PALLD: variants seen among roughly 807,000 people sequenced by gnomAD.
PALLD encodes the protein palladin, cytoskeletal associated protein.
Under a neutral mutation model 123.5 loss-of-function variants are expected in PALLD, and 61 were observed. That is an observed-to-expected ratio of 0.49 (90% CI 0.40 to 0.61). The LOEUF is 0.61. Ranked by LOEUF, PALLD falls within the 20% of genes least tolerant of loss-of-function variation. The probability of loss-of-function intolerance (pLI) is 0.00; values close to 1 mark genes in which losing one functional copy is unlikely to be tolerated. For missense variants in PALLD, 1,273 were observed against 1,377.0 expected, an observed-to-expected ratio of 0.92 and a Z score of 1.20; for synonymous variants, 465 against 496.4, an observed-to-expected ratio of 0.94 and a Z score of 0.84.
chr4:168,847,865 C>T (rs955067011), intron 10 of PALLD, among the ~76,000 whole-genome samples: 15 of 151,768 alleles, frequency 9.9e-5, no homozygotes, highest in African/African-American at 3.4e-4. Flanking sequence ...ATGAATATTC[C>T]TTTTCTAAAA....
chr4:168,575,914 G>C (rs780709697), intron 2 of PALLD, among the ~76,000 whole-genome samples: 5 of 151,950 alleles, frequency 3.3e-5, no homozygotes, highest in Admixed American at 3.3e-4. Context: ...ACAAAATTCC[G>C]TTTCAATTAA....
intron 10 of PALLD, among the ~76,000 whole-genome samples, chr4:168,833,294 A>C (rs943375097): frequency 1.5e-5 from 2 of 134,948 alleles, no homozygotes; most frequent in Admixed American, 1.4e-4. Context: ...GCATCTTCCC[A>C]CCCTGCGGAG....
chr4:168,857,350 T>C (rs1252351863), intron 10 of PALLD, among the ~76,000 whole-genome samples: 4 of 152,330 alleles, frequency 2.6e-5, no homozygotes, highest in South Asian at 2.1e-4. Context: ...TGGTACTAGC[T>C]TCATGAACCC....
chr4:168,698,968 G>C (rs1223080671), intron 8 of PALLD, among the ~76,000 whole-genome samples: 1 of 152,142 alleles, frequency 6.6e-6, no homozygotes, highest in Non-Finnish European at 1.5e-5. Context: ...TCATAGACTT[G>C]AGGATAGATA....
chr4:168,611,798 G>T (rs1561303743), intron 2 of PALLD, among the ~76,000 whole-genome samples: 1 of 152,178 alleles, frequency 6.6e-6, no homozygotes, highest in Non-Finnish European at 1.5e-5. Flanking sequence ...AAGCCTGCTT[G>T]ATTCTCTGTC....
intron 10 of PALLD, among the ~76,000 whole-genome samples, chr4:168,803,122 C>T (rs770191823): frequency 4.6e-5 from 7 of 152,138 alleles, no homozygotes; most frequent in Non-Finnish European, 8.8e-5. Context: ...TAAAGAACTA[C>T]CTGAGACTGG....
intron 10 of PALLD, among the ~76,000 whole-genome samples, chr4:168,872,937 T>C (rs146216539): frequency 2.6e-5 from 4 of 152,288 alleles, no homozygotes; most frequent in African/African-American, 9.6e-5. Flanking sequence ...GGAGTTTTAT[T>C]TTCTATTTTA....
rs550496087 is a variant in PALLD at position 168,533,834 on chromosome 4, G to C, written c.908+21422G>C. On this transcript the variant is annotated intron_variant, in intron 2 of 21. Transcript: ENST00000505667. ...GTTCATACGGAAAGGAGGATCTAGA[G>C]AGATCAATGTCACAGCTAAAGGAGG... Among the ~76,000 whole-genome samples the C allele has an allele frequency of 9.2e-5, 14 of 152,330 alleles. 1 individual carries two copies. The highest frequency in any genetic ancestry group is 3.1e-4 in the African/African-American group (13 of 41,566).
intron 2 of PALLD, among the ~76,000 whole-genome samples, chr4:168,534,658 C>T (rs569585524): frequency 8.5e-5 from 13 of 152,264 alleles, no homozygotes; most frequent in South Asian, 2.1e-4. Context: ...TGAACTTCTC[C>T]AGTACATATT....
intron 10 of PALLD, among the ~76,000 whole-genome samples, chr4:168,830,699 AAT>A (rs1744084303): frequency 6.6e-6 from 1 of 152,232 alleles, no homozygotes; most frequent in Non-Finnish European, 1.5e-5. Flanking sequence ...TTTAAAGAAC[AAT>A]ATTTGGTTTT....
At chr4:168,574,629 C>G (rs1360363651) in intron 2 of PALLD, among the ~76,000 whole-genome samples, 1 of 152,014 alleles carries the variant, frequency 6.6e-6, no homozygotes, top group African/African-American at 2.4e-5. Flanking sequence ...GGTAGATGCT[C>G]AATAACAAGT....
chr4:168,706,195 C>G (rs1352247279), intron 8 of PALLD, among the ~76,000 whole-genome samples: 1 of 152,096 alleles, frequency 6.6e-6, no homozygotes, highest in Non-Finnish European at 1.5e-5. Flanking sequence ...AGCCAGCATT[C>G]GACCTTCTGC....
chr4:168,898,779 T>C (rs1755819381), intron 14 of PALLD, 65 bp downstream of exon 14: 7 of 991,740 alleles, frequency 7.1e-6, no homozygotes, highest in South Asian at 1.3e-5. Flanking sequence ...TTCCAAAACA[T>C]AGCATGCCAG....
chr4:168,661,426 T>G (rs972211898), intron 2 of PALLD, among the ~76,000 whole-genome samples: 9 of 152,220 alleles, frequency 5.9e-5, no homozygotes, highest in African/African-American at 2.2e-4. Context: ...AATAATTGAT[T>G]GATGAATGAA....
chr4:168,617,507 C>T (rs547978391), intron 2 of PALLD, among the ~76,000 whole-genome samples: 216 of 152,096 alleles, frequency 1.4e-3, no homozygotes, highest in African/African-American at 4.7e-3. Flanking sequence ...GACTAGGGGC[C>T]GGCCAGTCAA....
chr4:168,695,581 G>A (rs1416653272), intron 8 of PALLD, among the ~76,000 whole-genome samples: 1 of 152,144 alleles, frequency 6.6e-6, no homozygotes, highest in African/African-American at 2.4e-5. Context: ...GTGAAACTGA[G>A]TTTTTGATGA....
intron 2 of PALLD, among the ~76,000 whole-genome samples, chr4:168,621,932 T>G (rs1385950617): frequency 6.6e-6 from 1 of 152,200 alleles, no homozygotes; most frequent in Non-Finnish European, 1.5e-5. Context: ...GAACACATGC[T>G]TCTTCTGTTT....
chr4:168,586,135 C>T (rs1313971653), intron 2 of PALLD, among the ~76,000 whole-genome samples: 2 of 143,072 alleles, frequency 1.4e-5, no homozygotes, highest in Non-Finnish European at 3.0e-5. Context: ...CATCGCTTCT[C>T]CAGGTCCTCA....
chr4:168,628,381 A>T (rs146660567), intron 2 of PALLD, among the ~76,000 whole-genome samples: 5 of 152,268 alleles, frequency 3.3e-5, no homozygotes, highest in Non-Finnish European at 7.4e-5. Flanking sequence ...GTAAGTCCTG[A>T]AATACTTACA....
Sources: gnomAD v4.1 joint callset for allele counts (sites outside exome capture counted in the v4.1 genomes callset) on GRCh38, gnomAD v4.1.1 for gene constraint, MANE v1.5 for transcripts, NCBI Gene and HGNC (gene_info 2026-07-23, HGNC 2026-07-21) for gene names.